Variants in ATXN7L1 observed in about 807,000 individuals in gnomAD.
ATXN7L1 encodes the protein ataxin-7-like protein 1.
Under a neutral mutation model 70.8 loss-of-function variants are expected in ATXN7L1, and 15 were observed. That is an observed-to-expected ratio of 0.21 (90% CI 0.14 to 0.33). The LOEUF (loss-of-function observed/expected upper bound fraction) is 0.33, where lower values mean the gene tolerates loss of function less well. Among genes scored for constraint, ATXN7L1 ranks in the 10% least tolerant of loss-of-function variants. The pLI is 1.00. For synonymous variants in ATXN7L1, 440 were observed against 445.1 expected (o/e 0.99, Z 0.14); for missense variants, 975 against 1,097.1 (o/e 0.89, Z 1.57).
chr7:105,799,210 C>T (rs1205405984), intron 2 of ATXN7L1, among the ~76,000 whole-genome samples: 1 of 152,204 alleles, frequency 6.6e-6, no homozygotes, highest in African/African-American at 2.4e-5. Context: ...CAAGGAGAGG[C>T]CTTTGCCAGT....
chr7:105,797,862 C>T (rs913229922), intron 2 of ATXN7L1, among the ~76,000 whole-genome samples: 26 of 152,264 alleles, frequency 1.7e-4, no homozygotes, highest in African/African-American at 5.8e-4. Context: ...GGCAATCTTC[C>T]GGAAGACAGG....
At chr7:105,726,113 G>A (rs952877361) in intron 3 of ATXN7L1, among the ~76,000 whole-genome samples, 44 of 152,026 alleles carry the variant, frequency 2.9e-4, no homozygotes, top group Admixed American at 2.8e-3. Context: ...CTTTGGCCAG[G>A]CTGGTCTCAA....
intron 3 of ATXN7L1, among the ~76,000 whole-genome samples, chr7:105,757,626 C>T (rs1338520914): frequency 7.9e-6 from 1 of 126,922 alleles, no homozygotes; most frequent in African/African-American, 3.1e-5. Context: ...GTCACCCAGA[C>T]TGGAGTGCAG....
intron 3 of ATXN7L1, among the ~76,000 whole-genome samples, chr7:105,785,283 T>G (rs758818997): frequency 6.6e-6 from 1 of 152,172 alleles, no homozygotes; most frequent in East Asian, 1.9e-4. Flanking sequence ...CTGGCCAACA[T>G]GGCAAAACCC....
At chr7:105,855,944 T>G (rs1815658846) in intron 2 of ATXN7L1, among the ~76,000 whole-genome samples, 2 of 152,208 alleles carry the variant, frequency 1.3e-5, no homozygotes, top group African/African-American at 4.8e-5. Context: ...TCCAAGGATT[T>G]GGGGTCTCAG....
chr7:105,747,623 C>A (rs1214097373), intron 3 of ATXN7L1, among the ~76,000 whole-genome samples: 1 of 152,180 alleles, frequency 6.6e-6, no homozygotes, highest in East Asian at 1.9e-4. Context: ...AGCCAGTAGG[C>A]CAGAAATTCT....
intron 3 of ATXN7L1, among the ~76,000 whole-genome samples, chr7:105,697,251 C>A (rs986503967): frequency 6.6e-6 from 1 of 152,184 alleles, no homozygotes; most frequent in African/African-American, 2.4e-5. Flanking sequence ...CCTGGGAGCG[C>A]TATGGGAGAC....
intron 11 of ATXN7L1, 110 bp downstream of exon 11, chr7:105,610,419 C>A: frequency 9.9e-7 from 1 of 1,009,828 alleles, no homozygotes; most frequent in Non-Finnish European, 1.5e-6. Context: ...TAGCCATGCT[C>A]TTAACTGGAG....
At chr7:105,871,505 A>G (rs1818261521) in intron 2 of ATXN7L1, among the ~76,000 whole-genome samples, 2 of 152,162 alleles carry the variant, frequency 1.3e-5, no homozygotes, top group Non-Finnish European at 1.5e-5. Flanking sequence ...TGAGGTCTGG[A>G]GTTCGAGACC....
chr7:105,693,652 A>G (rs1791338887), intron 3 of ATXN7L1, among the ~76,000 whole-genome samples: 1 of 152,154 alleles, frequency 6.6e-6, no homozygotes, highest in African/African-American at 2.4e-5. Context: ...GAGTAAGTAG[A>G]AACAGGCTGT....
intron 3 of ATXN7L1, among the ~76,000 whole-genome samples, chr7:105,710,635 T>C (rs1584797365): frequency 6.6e-6 from 1 of 151,692 alleles, no homozygotes. Context: ...ATGGTCTCGA[T>C]CTCCTGACCT....
At chr7:105,732,738 G>C (rs1477373846) in intron 3 of ATXN7L1, among the ~76,000 whole-genome samples, 1 of 152,162 alleles carries the variant, frequency 6.6e-6, no homozygotes, top group Non-Finnish European at 1.5e-5. Context: ...AGTAGCTTTG[G>C]AGATCCATCA....
intron 4 of ATXN7L1, among the ~76,000 whole-genome samples, chr7:105,659,884 CT>C (rs1051574520): frequency 3.1e-4 from 45 of 147,290 alleles, no homozygotes; most frequent in Admixed American, 4.7e-4. Context: ...TTTTCTCTTT[CT>C]TTTTTTTTTT....
At chr7:105,734,479 C>T (rs550483747) in intron 3 of ATXN7L1, among the ~76,000 whole-genome samples, 3 of 152,272 alleles carry the variant, frequency 2.0e-5, no homozygotes, top group Non-Finnish European at 2.9e-5. Context: ...GCCCAGCTCC[C>T]GTCAAGGTGA....
intron 3 of ATXN7L1, among the ~76,000 whole-genome samples, chr7:105,702,918 A>G (rs1171751401): frequency 1.3e-5 from 2 of 152,136 alleles, no homozygotes; most frequent in African/African-American, 4.8e-5. Context: ...GGAGATCGAG[A>G]CCATCCTGAC....
intron 4 of ATXN7L1, among the ~76,000 whole-genome samples, chr7:105,648,820 C>A (rs754910579): frequency 6.7e-5 from 10 of 149,200 alleles, no homozygotes; most frequent in Non-Finnish European, 1.2e-4. Context: ...ACAGGTTGGA[C>A]TTTTTTTTCC....
At chr7:105,759,862 GC>G (rs368183323) in intron 3 of ATXN7L1, among the ~76,000 whole-genome samples, 3 of 150,724 alleles carry the variant, frequency 2.0e-5, no homozygotes, top group Non-Finnish European at 3.0e-5. Context: ...TTTGATTTCC[GC>G]CCCCCCCAAA....
At chr7:105,787,071 C>G (rs1804414784) in intron 3 of ATXN7L1, among the ~76,000 whole-genome samples, 1 of 71,582 alleles carries the variant, frequency 1.4e-5, no homozygotes, top group South Asian at 3.6e-4. Flanking sequence ...TACCAGCTGA[C>G]AGTTTCTCTT....
intron 2 of ATXN7L1, among the ~76,000 whole-genome samples, chr7:105,809,451 C>A (rs988581011): frequency 1.3e-5 from 2 of 152,166 alleles, no homozygotes; most frequent in African/African-American, 4.8e-5. Context: ...TGGCACTCAA[C>A]CATTCTATGT....
Sources: allele counts gnomAD v4.1 joint callset (sites outside exome capture counted in the v4.1 genomes callset), GRCh38; gene constraint gnomAD v4.1.1; transcripts MANE v1.5; gene names NCBI Gene and HGNC (gene_info 2026-07-23, HGNC 2026-07-21).